PDE4D: variants seen among roughly 807,000 people sequenced by gnomAD.
PDE4D encodes the protein phosphodiesterase 4D, also known as 3',5'-cyclic-AMP phosphodiesterase 4D.
PDE4D carries 24 observed loss-of-function variants against 87.4 expected under a neutral mutation model. The ratio of observed to expected loss-of-function variants is 0.27; its 90% CI spans 0.20 to 0.39. PDE4D has a LOEUF of 0.39. Among genes scored for constraint, PDE4D ranks in the 10% least tolerant of loss-of-function variants. The pLI is 1.00. For missense variants in PDE4D, 714 were observed against 1,041.0 expected, an observed-to-expected ratio of 0.69 and a Z score of 4.32; for synonymous variants, 384 against 383.2, an observed-to-expected ratio of 1.00 and a Z score of -0.02.
At chr5:60,491,798 A>G (rs1348869557), upstream of PDE4D, among the ~76,000 whole-genome samples, 2 of 152,024 alleles carry the variant, frequency 1.3e-5, no homozygotes, top group Non-Finnish European at 2.9e-5. Context: ...CTGGGTTCAC[A>G]TCCCAGCTCT....
chr5:60,310,992 T>A (rs1754979478), intron 1 of PDE4D, among the ~76,000 whole-genome samples: 1 of 151,972 alleles, frequency 6.6e-6, no homozygotes, highest in South Asian at 2.1e-4. Context: ...TATTAGCTAA[T>A]CTGAGTCCAA....
At chr5:59,378,693 C>T (rs34756714) in intron 1 of PDE4D, among the ~76,000 whole-genome samples, 12,718 of 152,134 alleles carry the variant, frequency 0.084, 634 homozygotes, top group Middle Eastern at 0.14. Flanking sequence ...AAAACAATCA[C>T]GAGGAAAAGC....
At chr5:60,179,156 TATCCCTACCCCC>T (rs1784174564) in intron 2 of PDE4D, among the ~76,000 whole-genome samples, 1 of 152,116 alleles carries the variant, frequency 6.6e-6, no homozygotes, top group Non-Finnish European at 1.5e-5. Context: ...AGTAGGGCGG[TATCCCTACCCCC>T]ATGTGTGTGG....
intron 1 of PDE4D, among the ~76,000 whole-genome samples, chr5:60,515,559 AGGTGT>A (rs1750757149): frequency 6.6e-6 from 1 of 151,230 alleles, no homozygotes; most frequent in African/African-American, 2.4e-5. Flanking sequence ...TTTTAAGATA[AGGTGT>A]TAGTTCTTGA....
At chr5:59,694,794 T>A (rs1035897714) in intron 1 of PDE4D, among the ~76,000 whole-genome samples, 2 of 152,222 alleles carry the variant, frequency 1.3e-5, no homozygotes, top group Non-Finnish European at 1.5e-5. Context: ...TGTATCCCTA[T>A]GACCATTTGC....
intron 1 of PDE4D, chr5:60,460,708 G>C (rs1746861559): frequency 3.5e-6 from 3 of 853,196 alleles, no homozygotes; most frequent in South Asian, 1.4e-5. Flanking sequence ...CTTCTTTTGA[G>C]GCAGGAGTGG....
chr5:60,182,346 C>T (rs970098099), intron 2 of PDE4D, among the ~76,000 whole-genome samples: 2 of 152,164 alleles, frequency 1.3e-5, no homozygotes, highest in African/African-American at 2.4e-5. Context: ...CATACAGATT[C>T]CATTATACTA....
Position 59,893,375 on chromosome 5 carries a change from G to A in PDE4D, c.248C>T (p.Pro83Leu). 1 of 1,245,554 alleles carries A rather than the reference G, an allele frequency of 8.0e-7. No homozygotes were observed. The highest frequency in any genetic ancestry group is 3.6e-5 in the South Asian group (1 of 27,864). The allele number at this position is 1,245,554 out of a possible 1,614,324, so 77.2% of individuals were successfully genotyped here. A position where few individuals can be genotyped will look rare whatever the true frequency, so the allele number is the denominator to read the frequency against. ...GGCAGCCCCGGGCGGCGGCGGGGGC[G>A]GCGGCAGGGGGGGCGGCGGCGGCGG... ...LQPPPPPPLPPPPPPPGAARG... is the reference protein window; with the variant it reads ...LQPPPPPPLPLPPPPPGAARG... Residue 83 changes from proline (P) to leucine (L), a missense_variant, in exon 1 of 15, where the codon CCG becomes CTG. Pro to Leu is a moderately conservative substitution (Grantham distance 98). This residue lies in a region of PDE4D where 268 missense variants were observed against 272.9 expected (regional missense o/e 0.98). Transcript: ENST00000340635.
intron 1 of PDE4D, among the ~76,000 whole-genome samples, chr5:59,748,654 G>A (rs1246125094): frequency 8.0e-6 from 1 of 124,472 alleles, no homozygotes; most frequent in African/African-American, 3.0e-5. Context: ...CCTATTGTGG[G>A]GTGGGGGGAG....
chr5:59,086,108 TA>T (rs1037570465), intron 5 of PDE4D, among the ~76,000 whole-genome samples: 8 of 152,190 alleles, frequency 5.3e-5, no homozygotes, highest in Non-Finnish European at 1.0e-4. Context: ...ATCGAGGCTT[TA>T]GAAGGTTACA....
intron 1 of PDE4D, among the ~76,000 whole-genome samples, chr5:59,700,107 C>G (rs753830922): frequency 2.6e-5 from 4 of 152,168 alleles, no homozygotes; most frequent in Non-Finnish European, 5.9e-5. Flanking sequence ...TTACTGAACT[C>G]TATCCTGTTG....
chr5:60,454,153 C>A (rs2150156994), intron 1 of PDE4D, among the ~76,000 whole-genome samples: 1 of 152,238 alleles, frequency 6.6e-6, no homozygotes, highest in East Asian at 1.9e-4. Context: ...AACTGTATGA[C>A]TCTCTAGCTC....
chr5:59,615,968 CT>C lies in PDE4D; in HGVS notation c.455+277199del, dbSNP rs542347424. On this transcript the variant is annotated intron_variant, in intron 1 of 14. Transcript: ENST00000340635. ...TTTTCCATAAGCATCCACAATCTGT[CT>C]TTTTTTTTTTCAATTATACTTTAAG... is the stretch of plus-strand genomic sequence containing the variant. 1.0e-3 allele frequency among the ~76,000 whole-genome samples: 147 copies of C among 145,676 alleles called. 1 individual carries two copies. Among genetic ancestry groups the C allele is most frequent in the Middle Eastern group, 3.6e-3 (1 of 278 alleles).
At chr5:59,634,071 A>C (rs1831936132) in intron 1 of PDE4D, among the ~76,000 whole-genome samples, 1 of 151,992 alleles carries the variant, frequency 6.6e-6, no homozygotes, top group Non-Finnish European at 1.5e-5. Flanking sequence ...AAGAAAAAAA[A>C]AAGGTGTTGT....
chr5:60,162,111 G>A (rs1782517438), intron 2 of PDE4D, among the ~76,000 whole-genome samples: 1 of 151,994 alleles, frequency 6.6e-6, no homozygotes, highest in African/African-American at 2.4e-5. Context: ...GGGGGTGGGG[G>A]CCTCTTTAAA....
At chr5:59,342,717 T>A (rs1247366048) in intron 1 of PDE4D, among the ~76,000 whole-genome samples, 3 of 152,006 alleles carry the variant, frequency 2.0e-5, no homozygotes, top group Non-Finnish European at 4.4e-5. Context: ...ATCAGGGAGG[T>A]CTCATTCTTG....
intron 2 of PDE4D, among the ~76,000 whole-genome samples, chr5:60,070,276 C>A (rs1772560775): frequency 1.3e-5 from 2 of 152,006 alleles, no homozygotes; most frequent in Non-Finnish European, 2.9e-5. Context: ...AGAGGAAAAG[C>A]CTTCATTCGG....
chr5:59,307,759 G>A (rs572148791), intron 1 of PDE4D, among the ~76,000 whole-genome samples: 3 of 152,142 alleles, frequency 2.0e-5, no homozygotes, highest in East Asian at 1.9e-4. Context: ...TTACACTGTT[G>A]GTGGGACTGT....
intron 5 of PDE4D, among the ~76,000 whole-genome samples, chr5:59,079,925 AG>A (rs1472253272): frequency 6.8e-6 from 1 of 147,752 alleles, no homozygotes; most frequent in East Asian, 2.0e-4. Context: ...GGAAAGGGGC[AG>A]GGGCAGAGGC....
Sources: gnomAD v4.1 joint callset for allele counts (sites outside exome capture counted in the v4.1 genomes callset) on GRCh38, gnomAD v4.1.1 for gene constraint, gnomAD v4.1.1 regional missense constraint, MANE v1.5 for transcripts, NCBI Gene and HGNC (gene_info 2026-07-23, HGNC 2026-07-21) for gene names.